ATF6: variants seen among roughly 807,000 people sequenced by gnomAD.
ATF6 encodes the protein activating transcription factor 6.
In ATF6, 53 loss-of-function variants were observed where a neutral mutation model predicts 83.6. The ratio of observed to expected loss-of-function variants is 0.63; its 90% confidence interval spans 0.51 to 0.80. ATF6 has a LOEUF of 0.80. ATF6 is among the 30% of genes least tolerant of loss of function. ATF6 has a pLI of 0.00. For synonymous variants in ATF6, 288 were observed against 285.8 expected (o/e 1.01, Z -0.08); for missense variants, 744 against 797.9 (o/e 0.93, Z 0.81).
At chr1:161,906,319 T>C (rs1188847507) in intron 14 of ATF6, among the ~76,000 whole-genome samples, 4 of 152,240 alleles carry the variant, frequency 2.6e-5, no homozygotes, top group African/African-American at 2.4e-5. Flanking sequence ...TGGATGCTAC[T>C]GTCTTATCGG....
chr1:161,943,302 C>T (rs974157907), intron 15 of ATF6, among the ~76,000 whole-genome samples: 2 of 152,130 alleles, frequency 1.3e-5, no homozygotes, highest in African/African-American at 4.8e-5. Flanking sequence ...TGGCATTTCC[C>T]CTGCTTGTAC....
At chr1:161,876,379 C>T (rs1687216850) in intron 14 of ATF6, among the ~76,000 whole-genome samples, 1 of 151,984 alleles carries the variant, frequency 6.6e-6, no homozygotes, top group Non-Finnish European at 1.5e-5. Context: ...AGGCATTGAG[C>T]AAGGTCGATT....
chr1:161,905,999 A>C (rs892113486), intron 14 of ATF6, among the ~76,000 whole-genome samples: 18 of 151,764 alleles, frequency 1.2e-4, no homozygotes, highest in Admixed American at 7.2e-4. Context: ...CGCCTGGCTA[A>C]TTTTTTTGTA....
chr1:161,916,231 A>G (rs1688098951), intron 15 of ATF6, among the ~76,000 whole-genome samples: 1 of 152,222 alleles, frequency 6.6e-6, no homozygotes, highest in African/African-American at 2.4e-5. Flanking sequence ...TATTTGACAC[A>G]GCTAACTATT....
chr1:161,842,796 A>T (rs1343718106), intron 9 of ATF6, among the ~76,000 whole-genome samples: 1 of 152,232 alleles, frequency 6.6e-6, no homozygotes, highest in South Asian at 2.1e-4. Context: ...GTTTTTGGTG[A>T]ATCAGTGAGT....
intron 14 of ATF6, among the ~76,000 whole-genome samples, chr1:161,874,556 T>G (rs777401246): frequency 6.6e-6 from 1 of 151,686 alleles, no homozygotes; most frequent in Non-Finnish European, 1.5e-5. Flanking sequence ...ATTTTACAAC[T>G]ATTTCTTTTC....
chr1:161,865,507 G>A (rs570986599), intron 14 of ATF6, among the ~76,000 whole-genome samples: 1 of 152,248 alleles, frequency 6.6e-6, no homozygotes, highest in African/African-American at 2.4e-5. Flanking sequence ...GTGAATGGCG[G>A]TTTAAAAAAT....
At chr1:161,958,365 C>T (rs1454813169) in intron 15 of ATF6, 81 bp from the exon 16 acceptor site, 2 of 1,390,906 alleles carry the variant, frequency 1.4e-6, no homozygotes, top group African/African-American at 1.4e-5. Flanking sequence ...AAGCACATTT[C>T]TGTATTTCTG....
chr1:161,889,224 G>C (rs1336379611), intron 14 of ATF6, among the ~76,000 whole-genome samples: 1 of 152,188 alleles, frequency 6.6e-6, no homozygotes, highest in Non-Finnish European at 1.5e-5. Context: ...GGACTAAAGG[G>C]TTATTTCCCA....
intron 9 of ATF6, among the ~76,000 whole-genome samples, chr1:161,841,349 T>C (rs2101813141): frequency 6.6e-6 from 1 of 152,316 alleles, no homozygotes; most frequent in Admixed American, 6.5e-5. Context: ...GGTCATTTCA[T>C]AGAGTTCAAG....
At chr1:161,915,411 C>T (rs115380956) in intron 15 of ATF6, among the ~76,000 whole-genome samples, 2 of 152,140 alleles carry the variant, frequency 1.3e-5, no homozygotes, top group Non-Finnish European at 2.9e-5. Context: ...TAGTACCTGA[C>T]TATTTTGGGG....
chr1:161,939,740 T>C (rs758272492), intron 15 of ATF6, among the ~76,000 whole-genome samples: 29 of 152,172 alleles, frequency 1.9e-4, no homozygotes, highest in Admixed American at 3.9e-4. Context: ...ACGTATCCCT[T>C]CCCTTTAGGA....
At chr1:161,952,149 A>G (rs1425531276) in intron 15 of ATF6, among the ~76,000 whole-genome samples, 1 of 152,014 alleles carries the variant, frequency 6.6e-6, no homozygotes, top group Non-Finnish European at 1.5e-5. Flanking sequence ...CAAGAGTAAT[A>G]CCCTATGGCC....
At chr1:161,917,540 C>A (rs1688125308) in intron 15 of ATF6, among the ~76,000 whole-genome samples, 1 of 152,092 alleles carries the variant, frequency 6.6e-6, no homozygotes, top group African/African-American at 2.4e-5. Context: ...CCTGCCTCAG[C>A]CTCCCGAGTA....
rs1331915894 is a variant in ATF6 at position 161,960,947 on chromosome 1, A to C, written c.*2293A>C. ...ATGCTAATCTTCTGCTGGAACTGTC[A>C]TACGTTATCATGGTCAATGTAAACC... On this transcript the variant is annotated 3_prime_UTR_variant, in exon 16 of 16. Coordinates refer to ENST00000367942, the MANE Select transcript of ATF6 (RefSeq NM_007348.4). 6.6e-6 allele frequency: 1 copy of C among 152,182 alleles called. No homozygotes were observed. The highest frequency in any genetic ancestry group is 1.5e-5 in the Non-Finnish European group (1 of 68,050). 9.4% of individuals were successfully genotyped at this position (152,182 alleles called of 1,614,324 possible).
intron 4 of ATF6, among the ~76,000 whole-genome samples, chr1:161,786,277 C>T (rs953004358): frequency 1.3e-5 from 2 of 152,234 alleles, no homozygotes; most frequent in African/African-American, 2.4e-5. Context: ...TGAGACACTG[C>T]GCCCGGCCGT....
intron 14 of ATF6, among the ~76,000 whole-genome samples, chr1:161,900,724 ACAT>A (rs1191152250): frequency 2.0e-5 from 3 of 152,158 alleles, no homozygotes; most frequent in African/African-American, 4.8e-5. Flanking sequence ...GCATATGTAC[ACAT>A]CATGACATAC....
intron 7 of ATF6, among the ~76,000 whole-genome samples, chr1:161,818,438 G>T (rs1182527773): frequency 6.6e-6 from 1 of 152,150 alleles, no homozygotes; most frequent in Non-Finnish European, 1.5e-5. Context: ...AAAAAAGTAG[G>T]ATCAGATGTG....
intron 9 of ATF6, among the ~76,000 whole-genome samples, chr1:161,829,012 A>G (rs1029153026): frequency 6.6e-6 from 1 of 152,138 alleles, no homozygotes; most frequent in Non-Finnish European, 1.5e-5. Flanking sequence ...ACTTTAAACC[A>G]GCAGAGATCA....
Sources: gnomAD v4.1 joint callset for allele counts (sites outside exome capture counted in the v4.1 genomes callset) on GRCh38, gnomAD v4.1.1 for gene constraint, MANE v1.5 for transcripts, NCBI Gene and HGNC (gene_info 2026-07-23, HGNC 2026-07-21) for gene names.